Variants in RBM19 observed in about 807,000 individuals in gnomAD.
RBM19 encodes the protein probable RNA-binding protein 19.
In RBM19, 94 loss-of-function variants were observed where a neutral mutation model predicts 116.8. The observed-to-expected ratio is 0.80, with a 90% CI of 0.68 to 0.95. RBM19 has a LOEUF of 0.95. Among genes scored for constraint, RBM19 ranks in the 40% least tolerant of loss-of-function variants. The probability of loss-of-function intolerance (pLI) is 0.00; values close to 1 mark genes in which losing one functional copy is unlikely to be tolerated. For synonymous variants in RBM19, 475 were observed against 494.1 expected (o/e 0.96, Z 0.51); for missense variants, 1,161 against 1,220.7 (o/e 0.95, Z 0.73).
At chr12:113,884,306 C>T (rs1026530353) in intron 21 of RBM19, among the ~76,000 whole-genome samples, 3 of 149,174 alleles carry the variant, frequency 2.0e-5, no homozygotes, top group Non-Finnish European at 4.5e-5. Context: ...TATACACACA[C>T]ACACACACAC....
intron 20 of RBM19, among the ~76,000 whole-genome samples, chr12:113,915,291 T>C (rs1248392258): frequency 6.6e-6 from 1 of 152,044 alleles, no homozygotes; most frequent in Non-Finnish European, 1.5e-5. Flanking sequence ...GGGGGACACA[T>C]CCGTGCTTGG....
At chr12:113,880,645 C>A (rs1880041932) in intron 21 of RBM19, among the ~76,000 whole-genome samples, 1 of 152,156 alleles carries the variant, frequency 6.6e-6, no homozygotes, top group Admixed American at 6.5e-5. Flanking sequence ...CTGCTAGCCT[C>A]CCGTCAGAGA....
At chr12:113,833,311 C>T (rs1382320385) in intron 23 of RBM19, among the ~76,000 whole-genome samples, 1 of 152,222 alleles carries the variant, frequency 6.6e-6, no homozygotes, top group Non-Finnish European at 1.5e-5. Flanking sequence ...CACCTGCTTC[C>T]CCACCTCCAC....
chr12:113,844,872 C>G (rs916085184), intron 22 of RBM19, 84 bp from the exon 23 acceptor site: 3 of 1,486,036 alleles, frequency 2.0e-6, no homozygotes, highest in Non-Finnish European at 2.7e-6. Context: ...TGCCTGCCTG[C>G]GTCTCAGATG....
At position 113,958,007 on chromosome 12, in the gene RBM19, C is replaced by A; in HGVS notation, c.615G>T (p.Leu205=). The A allele has an allele frequency of 6.2e-7, 1 of 1,614,060 alleles. No individual in the cohort carries two copies. Among genetic ancestry groups the A allele is most frequent in the South Asian group, 1.1e-5 (1 of 91,070 alleles). ...TGGATTTCAGGTAATCCATGTCCGACAGCTCCTTCTGCACAGCTGCCTTTG... is the reference window on the plus strand; with the variant it reads ...TGGATTTCAGGTAATCCATGTCCGAAAGCTCCTTCTGCACAGCTGCCTTTG... The part of the protein sequence containing the change: ...LEPKAAVQKE[L]SDMDYLKSKM... The change falls in exon 6 of 24, where the codon CTG becomes CTT. Residue 205 remains leucine (L), a synonymous_variant. Coordinates refer to ENST00000261741, the MANE Select transcript of RBM19 (RefSeq NM_016196.4).
At chr12:113,958,755 A>G (rs1872203349) in intron 5 of RBM19, among the ~76,000 whole-genome samples, 1 of 152,026 alleles carries the variant, frequency 6.6e-6, no homozygotes, top group Non-Finnish European at 1.5e-5. Context: ...CCCACACCAC[A>G]AACCCCTTCT....
intron 14 of RBM19, among the ~76,000 whole-genome samples, chr12:113,940,658 C>G (rs1034877454): frequency 6.6e-6 from 1 of 152,196 alleles, no homozygotes; most frequent in Non-Finnish European, 1.5e-5. Context: ...CTAGGCAGAG[C>G]TCCAGGCAGC....
intron 23 of RBM19, among the ~76,000 whole-genome samples, chr12:113,835,727 G>A (rs1456231229): frequency 6.6e-6 from 1 of 152,226 alleles, no homozygotes; most frequent in Non-Finnish European, 1.5e-5. Flanking sequence ...AACCTGGCTT[G>A]GGCAGGCGGG....
intron 21 of RBM19, among the ~76,000 whole-genome samples, chr12:113,861,608 C>T: frequency 6.6e-6 from 1 of 151,968 alleles, no homozygotes; most frequent in Non-Finnish European, 1.5e-5. Flanking sequence ...GGGTTAATTC[C>T]TCCCTCTCTG....
At chr12:113,956,265 C>T (rs967206699) in intron 6 of RBM19, among the ~76,000 whole-genome samples, 8 of 152,054 alleles carry the variant, frequency 5.3e-5, no homozygotes, top group East Asian at 1.9e-4. Flanking sequence ...GAGGATGAAG[C>T]TTGCTTTCAT....
intron 23 of RBM19, among the ~76,000 whole-genome samples, chr12:113,839,535 C>T (rs1876280926): frequency 6.6e-6 from 1 of 152,200 alleles, no homozygotes; most frequent in African/African-American, 2.4e-5. Context: ...ACCTGTGTGA[C>T]CTTGGGCAAG....
At chr12:113,881,651 A>T (rs1210930980) in intron 21 of RBM19, among the ~76,000 whole-genome samples, 1 of 152,148 alleles carries the variant, frequency 6.6e-6, no homozygotes, top group African/African-American at 2.4e-5. Context: ...GGCCCATTTC[A>T]TGGAAGACGA....
rs1412262557 is a variant in RBM19, at chr12:113,872,501, G to A, written c.2559-13605C>T. 1.1e-3 allele frequency among the ~76,000 whole-genome samples: 145 copies of A among 130,414 alleles called. 5 individuals are homozygous for A. The highest frequency in any genetic ancestry group is 1.9e-3 in the Non-Finnish European group (115 of 59,488). 85.6% of individuals were successfully genotyped at this position (130,414 alleles called of 152,430 possible). The stretch of plus-strand genomic sequence containing the variant: ...GGGGAGCCCCTCTGCCCGGCCAGCC[G>A]CCCCATCCGGGAGGGAGGTGGGGGT... On this transcript the variant is annotated intron_variant, in intron 21 of 23. Transcript: ENST00000261741.
At chr12:113,939,749 CA>C (rs369339749) in intron 15 of RBM19, among the ~76,000 whole-genome samples, 140 of 140,088 alleles carry the variant, frequency 1.0e-3, no homozygotes, top group Middle Eastern at 7.5e-3. Flanking sequence ...GACTCTGTCT[CA>C]AAAAAAAAAA....
At chr12:113,942,018 C>T (rs907862709) in intron 14 of RBM19, among the ~76,000 whole-genome samples, 1 of 152,074 alleles carries the variant, frequency 6.6e-6, no homozygotes, top group Non-Finnish European at 1.5e-5. Flanking sequence ...AGTCCCCGAA[C>T]AGATAACAGA....
chr12:113,832,214 A>C (rs1404238995), intron 23 of RBM19, among the ~76,000 whole-genome samples: 1 of 150,084 alleles, frequency 6.7e-6, no homozygotes, highest in Non-Finnish European at 1.5e-5. Flanking sequence ...TTTTTAGACT[A>C]AGTCTCACTC....
chr12:113,909,435 G>A (rs1473014164), intron 21 of RBM19, among the ~76,000 whole-genome samples: 2 of 152,132 alleles, frequency 1.3e-5, no homozygotes, highest in Non-Finnish European at 2.9e-5. Context: ...CCATGCGGGC[G>A]ATTTTCTCTC....
chr12:113,856,795 G>A (rs893102252), intron 22 of RBM19, among the ~76,000 whole-genome samples: 15 of 152,176 alleles, frequency 9.9e-5, no homozygotes, highest in Admixed American at 2.6e-4. Flanking sequence ...CCAATAGCCC[G>A]TATGTAGGGG....
chr12:113,894,861 G>A (rs1463999217), intron 21 of RBM19, among the ~76,000 whole-genome samples: 1 of 152,202 alleles, frequency 6.6e-6, no homozygotes, highest in East Asian at 1.9e-4. Context: ...ACGACACTAA[G>A]GCCACGACTG....
Sources: gnomAD v4.1 joint callset for allele counts (sites outside exome capture counted in the v4.1 genomes callset) on GRCh38, gnomAD v4.1.1 for gene constraint, MANE v1.5 for transcripts, NCBI Gene and HGNC (gene_info 2026-07-23, HGNC 2026-07-21) for gene names.